PRKCE: variants seen among roughly 807,000 people sequenced by gnomAD.
PRKCE encodes protein kinase C epsilon.
Under a neutral mutation model 85.4 loss-of-function variants are expected in PRKCE, and 16 were observed. The ratio of observed to expected loss-of-function variants is 0.19; its 90% CI spans 0.13 to 0.28. The LOEUF (loss-of-function observed/expected upper bound fraction) is 0.28. PRKCE is among the 10% of genes least tolerant of loss of function. The probability of loss-of-function intolerance (pLI) is 1.00; values close to 1 mark genes in which losing one functional copy is unlikely to be tolerated. For synonymous variants in PRKCE, 388 were observed against 371.5 expected, an observed-to-expected ratio of 1.04 and a Z score of -0.51; for missense variants, 573 against 975.2, an observed-to-expected ratio of 0.59 and a Z score of 5.49.
At chr2:46,064,530 G>A (rs914923166) in intron 10 of PRKCE, among the ~76,000 whole-genome samples, 7 of 152,176 alleles carry the variant, frequency 4.6e-5, no homozygotes, top group African/African-American at 1.7e-4. Context: ...ATCATAGCAT[G>A]AGGGATTTAG....
chr2:46,078,875 T>G (rs1033480974), intron 10 of PRKCE: 2 of 152,220 alleles, frequency 1.3e-5, no homozygotes, highest in African/African-American at 4.8e-5. Context: ...CCAGTTGTAC[T>G]ATAGAAAATA....
chr2:45,954,904 T>C (rs1215313598), intron 2 of PRKCE, among the ~76,000 whole-genome samples: 1 of 152,218 alleles, frequency 6.6e-6, no homozygotes, highest in African/African-American at 2.4e-5. Flanking sequence ...CCATTGCTTC[T>C]CCTACCTACT....
In PRKCE at chr2:45,729,479, T is replaced by TA. The variant is rs1681378710; in HGVS notation, c.348+77032dup. On this transcript the variant is annotated intron_variant, in intron 1 of 14. Transcript: ENST00000306156. ...CCCTGGAGCCTCCATCATATGCATC[T>TA]ATGTGTCCCCCTTCATTACTTTCCG... is the stretch of plus-strand genomic sequence containing the variant. Among the ~76,000 whole-genome samples, 4 of 152,286 alleles carry TA rather than the reference T, an allele frequency of 2.6e-5. 1 individual carries two copies. The South Asian group carries it at 8.3e-4, about 32-fold the overall frequency.
chr2:45,932,167 C>G (rs1485887531), intron 2 of PRKCE, among the ~76,000 whole-genome samples: 4 of 152,216 alleles, frequency 2.6e-5, no homozygotes, highest in Non-Finnish European at 5.9e-5. Flanking sequence ...GTTTTGAACT[C>G]TACATGGATT....
intron 1 of PRKCE, among the ~76,000 whole-genome samples, chr2:45,842,034 G>A (rs1423490671): frequency 2.0e-5 from 3 of 151,052 alleles, no homozygotes; most frequent in Non-Finnish European, 4.4e-5. Flanking sequence ...AGGCTAGCAG[G>A]GGGACTTGGT....
Position 45,982,855 on chromosome 2 carries a change from G to A in PRKCE, c.694-1696G>A, listed in dbSNP as rs766147702. ...GGATTTCTTGGTCACCTGGGACAAC[G>A]TCCCCACTTTTTCGCCTTAGTCTGT... On this transcript the variant is annotated intron_variant, in intron 5 of 14. Coordinates refer to ENST00000306156, the MANE Select transcript of PRKCE (RefSeq NM_005400.3). Among the ~76,000 whole-genome samples, 3 of 152,162 alleles carry A rather than the reference G, an allele frequency of 2.0e-5. No homozygotes were observed. In the South Asian group the frequency reaches 6.2e-4, roughly 32 times the overall value.
chr2:46,150,931 G>A, intron 12 of PRKCE, 110 bp from the exon 13 acceptor site: 1 of 996,552 alleles, frequency 1.0e-6, no homozygotes, highest in African/African-American at 1.6e-5. Context: ...GGACTCAACT[G>A]TAGGGAGGAG....
chr2:46,125,356 A>C (rs1217426762), intron 11 of PRKCE, among the ~76,000 whole-genome samples: 2 of 152,222 alleles, frequency 1.3e-5, no homozygotes, highest in African/African-American at 4.8e-5. Context: ...CTTTGTACCC[A>C]GCCAATAACA....
At chr2:46,146,895 C>T (rs1285304754) in intron 12 of PRKCE, among the ~76,000 whole-genome samples, 1 of 152,114 alleles carries the variant, frequency 6.6e-6, no homozygotes, top group African/African-American at 2.4e-5. Flanking sequence ...GGATAAAGAC[C>T]CAGTGAATGT....
intron 1 of PRKCE, among the ~76,000 whole-genome samples, chr2:45,742,210 T>G (rs552865314): frequency 6.6e-6 from 1 of 151,862 alleles, no homozygotes; most frequent in South Asian, 2.1e-4. Context: ...ATATATCCAA[T>G]AAGGGTAACT....
rs888186653 is a variant in PRKCE, at chr2:46,187,215, T to TG, written c.*2335dup. 12 of 152,786 alleles carry TG rather than the reference T, an allele frequency of 7.9e-5. No individual in the cohort carries two copies. The highest frequency in any genetic ancestry group is 3.4e-3 in the Middle Eastern group (1 of 294). The allele number at this position is 152,786 out of a possible 1,614,324, so 9.5% of individuals were successfully genotyped here. A position where few individuals can be genotyped will look rare whatever the true frequency, so the allele number is the denominator to read the frequency against. ...TGGCCTTGTCCGAGGGCCTAGTGTT[T>TG]GCACGGCAGTGGGAACTGGGCCTTT... On this transcript the variant is annotated 3_prime_UTR_variant, in exon 15 of 15. Coordinates refer to ENST00000306156, the MANE Select transcript of PRKCE (RefSeq NM_005400.3).
rs116476636 is a variant in PRKCE at position 45,943,822 on chromosome 2, T to C, written c.413-32607T>C. Reference sequence around the variant, plus strand: ...CCAGACAGCAGCAGGGGAGGCTGTGTCTGTGTTAAGTAAACAAAGGTGAAT... The same window carrying C: ...CCAGACAGCAGCAGGGGAGGCTGTGCCTGTGTTAAGTAAACAAAGGTGAAT... On this transcript the variant is annotated intron_variant, in intron 2 of 14. Coordinates refer to ENST00000306156, the MANE Select transcript of PRKCE (RefSeq NM_005400.3). Among the ~76,000 whole-genome samples the C allele has an allele frequency of 1.9e-3, 295 of 152,354 alleles. 4 individuals are homozygous for C. The highest frequency in any genetic ancestry group is 6.7e-3 in the African/African-American group (277 of 41,582).
chr2:45,777,896 A>T (rs73926082), intron 1 of PRKCE, among the ~76,000 whole-genome samples: 10,301 of 152,096 alleles, frequency 0.068, 887 homozygotes, highest in African/African-American at 0.2. Context: ...CACAGACACC[A>T]CACCAAAGGT....
In PRKCE at chr2:45,755,766, A is replaced by C. The variant is rs185148647; in HGVS notation, c.349-87234A>C. On this transcript the variant is annotated intron_variant, in intron 1 of 14. Coordinates refer to ENST00000306156, the MANE Select transcript of PRKCE (RefSeq NM_005400.3). ...ACCAGTGACTCAAAACTAGTTGCCC[A>C]ACGAAATGCAAGGCTGCTGGGCTTA... is the stretch of plus-strand genomic sequence containing the variant. 3.7e-4 allele frequency among the ~76,000 whole-genome samples: 57 copies of C among 152,318 alleles called. No individual in the cohort carries two copies. In the East Asian group the frequency reaches 9.6e-3, roughly 26 times the overall value.
intron 10 of PRKCE, among the ~76,000 whole-genome samples, chr2:46,034,731 G>C (rs1021400586): frequency 1.3e-5 from 2 of 152,218 alleles, no homozygotes; most frequent in African/African-American, 2.4e-5. Flanking sequence ...CAACCACAGG[G>C]AGTCCTTTGG....
chr2:46,000,581 C>G (rs1014584657), intron 6 of PRKCE, among the ~76,000 whole-genome samples: 3 of 152,126 alleles, frequency 2.0e-5, no homozygotes, highest in Non-Finnish European at 4.4e-5. Flanking sequence ...TCCCCACCCC[C>G]AACCCCCACA....
At chr2:45,822,162 T>A (rs1689586227) in intron 1 of PRKCE, among the ~76,000 whole-genome samples, 1 of 152,230 alleles carries the variant, frequency 6.6e-6, no homozygotes, top group African/African-American at 2.4e-5. Flanking sequence ...TATCAGTTTT[T>A]GTAGATATCA....
chr2:45,954,520 T>C (rs889918632), intron 2 of PRKCE, among the ~76,000 whole-genome samples: 3 of 152,142 alleles, frequency 2.0e-5, no homozygotes, highest in African/African-American at 4.8e-5. Context: ...CTAATTAAAT[T>C]GGCCTATCTA....
At chr2:45,871,098 G>A (rs1366271363) in intron 2 of PRKCE, among the ~76,000 whole-genome samples, 1 of 152,222 alleles carries the variant, frequency 6.6e-6, no homozygotes, top group South Asian at 2.1e-4. Flanking sequence ...AAAGTTCCAG[G>A]GTGTCCTAGT....
Sources: allele counts gnomAD v4.1 joint callset (sites outside exome capture counted in the v4.1 genomes callset), GRCh38; gene constraint gnomAD v4.1.1; transcripts MANE v1.5; gene names NCBI Gene and HGNC (gene_info 2026-07-23, HGNC 2026-07-21).